The following SULF2 variants were observed in gnomAD, a reference collection of about 807,000 sequenced individuals.
SULF2 encodes the protein sulfatase 2, also known as extracellular sulfatase Sulf-2.
A neutral mutation model predicts 107.7 loss-of-function variants in SULF2; 52 were observed. The observed-to-expected ratio is 0.48, with a 90% CI of 0.39 to 0.61. The LOEUF is 0.61. SULF2 is among the 20% of genes least tolerant of loss of function. The probability of loss-of-function intolerance (pLI) is 0.00; values close to 1 mark genes in which losing one functional copy is unlikely to be tolerated. For missense variants in SULF2, 993 were observed against 1,177.3 expected (o/e 0.84, Z 2.29); for synonymous variants, 460 against 464.3 (o/e 0.99, Z 0.12).
rs774011241 is a variant in SULF2 at position 47,690,186 on chromosome 20, TG to T, written c.676del (p.His226ThrfsTer43). ...TTGTGGGGCTGAATCCTCAGGGCCG[TG>T]GGGGGCTGCATGGCTGATGACCATG... Reference protein sequence around the residue: ...VLMVISHAAPHGPEDSAPQYS... With the variant: ...VLMVISHAAPXGPEDSAPQYS... On this transcript the variant is annotated frameshift_variant, in exon 5 of 21. Transcript: ENST00000688720. LOFTEE classifies it high-confidence loss of function. The T allele has an allele frequency of 1.3e-6, 2 of 1,566,418 alleles. No individual in the cohort carries two copies. Among genetic ancestry groups the T allele is most frequent in the South Asian group, 1.2e-5 (1 of 85,088 alleles).
At chr20:47,728,899 G>A (rs1001732702) in intron 3 of SULF2, among the ~76,000 whole-genome samples, 1 of 152,218 alleles carries the variant, frequency 6.6e-6, no homozygotes, top group African/African-American at 2.4e-5. Flanking sequence ...ACCCGCCTCA[G>A]CCTCCCAAAG....
chr20:47,780,015 CT>C (rs74178766), intron 1 of SULF2, among the ~76,000 whole-genome samples: 7,026 of 120,312 alleles, frequency 0.058, 142 homozygotes, highest in Middle Eastern at 0.083. Context: ...CCCTAGTTGA[CT>C]TTTTTTTTTT....
chr20:47,697,463 G>T (rs1196509239), intron 4 of SULF2, among the ~76,000 whole-genome samples: 1 of 152,180 alleles, frequency 6.6e-6, no homozygotes, highest in Non-Finnish European at 1.5e-5. Flanking sequence ...CTTACTGCCT[G>T]ATCTAGGGCC....
chr20:47,780,630 T>C (rs1176866161), intron 1 of SULF2, among the ~76,000 whole-genome samples: 1 of 152,058 alleles, frequency 6.6e-6, no homozygotes, highest in African/African-American at 2.4e-5. Context: ...CTCAGCTCAC[T>C]GCAACCTCCG....
At chr20:47,726,688 C>T (rs190829424) in intron 3 of SULF2, among the ~76,000 whole-genome samples, 36 of 152,244 alleles carry the variant, frequency 2.4e-4, no homozygotes, top group East Asian at 1.9e-4. Flanking sequence ...CTAGTGGCAA[C>T]GGTACTGGGC....
At chr20:47,703,023 T>G (rs1375318773) in intron 3 of SULF2, among the ~76,000 whole-genome samples, 2 of 152,110 alleles carry the variant, frequency 1.3e-5, no homozygotes, top group Non-Finnish European at 2.9e-5. Flanking sequence ...TTCAAGCAAT[T>G]CTCCTGCCTC....
chr20:47,734,649 A>G (rs536510997), intron 3 of SULF2, among the ~76,000 whole-genome samples: 20 of 152,354 alleles, frequency 1.3e-4, no homozygotes, highest in African/African-American at 4.8e-4. Flanking sequence ...ATCAGACTAA[A>G]CAGGTGTTTT....
At chr20:47,699,341 G>C (rs1293986552) in intron 4 of SULF2, among the ~76,000 whole-genome samples, 1 of 151,836 alleles carries the variant, frequency 6.6e-6, no homozygotes, top group Non-Finnish European at 1.5e-5. Context: ...AACCAAATGT[G>C]ACTAGTCCAC....
At chr20:47,736,963 T>G in intron 2 of SULF2, 21 bp from the exon 3 acceptor site, 1 of 1,613,708 alleles carries the variant, frequency 6.2e-7, no homozygotes, top group East Asian at 2.2e-5. Flanking sequence ...AGGGTGGAAG[T>G]AAGGCGCAGG....
At chr20:47,734,513 C>G (rs538841352) in intron 3 of SULF2, among the ~76,000 whole-genome samples, 3 of 152,318 alleles carry the variant, frequency 2.0e-5, no homozygotes, top group South Asian at 4.1e-4. Flanking sequence ...TCTTTAAAAA[C>G]ATTTCCACTT....
intron 4 of SULF2, among the ~76,000 whole-genome samples, chr20:47,691,181 G>T (rs902855472): frequency 1.8e-4 from 27 of 152,274 alleles, no homozygotes; most frequent in Non-Finnish European, 3.5e-4. Flanking sequence ...AAGTCCCTGG[G>T]GTGCCTACAC....
At chr20:47,781,102 C>T (rs1316718337) in intron 1 of SULF2, among the ~76,000 whole-genome samples, 1 of 152,214 alleles carries the variant, frequency 6.6e-6, no homozygotes, top group African/African-American at 2.4e-5. Flanking sequence ...TGCCCCTGGC[C>T]CCCCGAAAGC....
At position 47,666,576 on chromosome 20, in the gene SULF2, C is replaced by T. The variant is rs2087281746; in HGVS notation, c.1577-88G>A. On this transcript the variant is annotated intron_variant, in intron 11 of 20. Coordinates refer to ENST00000688720, the MANE Select transcript of SULF2 (RefSeq NM_001387048.1). This position sits in a 1 kb window ranked among gnomAD's most constrained non-coding sequence, Gnocchi z 5.4. ...CAGTGGGTCCTTCATCAAGATAGGG[C>T]CGGGCTTCCAAGCATGAGGCTCAGC... 9.3e-7 allele frequency: 1 copy of T among 1,073,110 alleles called. No individual in the cohort carries two copies. The highest frequency in any genetic ancestry group is 1.4e-5 in the South Asian group (1 of 69,956). 66.5% of individuals were successfully genotyped at this position (1,073,110 alleles called of 1,614,324 possible).
At position 47,751,020 on chromosome 20, in the gene SULF2, TCTC is replaced by T. The variant is rs142358399; in HGVS notation, c.175+6166_175+6168del. 3.8e-3 allele frequency among the ~76,000 whole-genome samples: 572 copies of T among 152,316 alleles called. 8 individuals are homozygous for T. The highest frequency in any genetic ancestry group is 0.012 in the African/African-American group (517 of 41,560). ...TCCTGGCTTCCCCTCCTGGCTTTAT[TCTC>T]CTCCTCACTTTCTGCTCTTTTATGT... On this transcript the variant is annotated intron_variant, in intron 2 of 20. Transcript: ENST00000688720.
At chr20:47,742,926 G>GTTTT (rs1295578938) in intron 2 of SULF2, among the ~76,000 whole-genome samples, 1 of 65,052 alleles carries the variant, frequency 1.5e-5, no homozygotes, top group Non-Finnish European at 3.0e-5. Flanking sequence ...TTCAAAACAT[G>GTTTT]ATTTTTTTTT....
intron 2 of SULF2, among the ~76,000 whole-genome samples, chr20:47,753,098 C>CAAAAAAAAAAAAAAA (rs10578438): frequency 3.3e-5 from 3 of 90,686 alleles, no homozygotes; most frequent in African/African-American, 9.2e-5. Flanking sequence ...GAGACTCTCT[C>CAAAAAAAAAAAAAAA]AAAAAAAAAA....
At chr20:47,745,864 G>A (rs1292029134) in intron 2 of SULF2, among the ~76,000 whole-genome samples, 5 of 152,096 alleles carry the variant, frequency 3.3e-5, no homozygotes, top group South Asian at 2.1e-4. Flanking sequence ...CGTCTCACGC[G>A]GAGTTAAAAA....
intron 1 of SULF2, among the ~76,000 whole-genome samples, chr20:47,783,764 G>A (rs963442652): frequency 6.6e-6 from 1 of 151,948 alleles, no homozygotes; most frequent in East Asian, 1.9e-4. Context: ...AGGCCTTCAT[G>A]TACAAAGGTC....
intron 3 of SULF2, among the ~76,000 whole-genome samples, chr20:47,726,253 C>T (rs909527445): frequency 3.9e-5 from 6 of 152,164 alleles, no homozygotes; most frequent in South Asian, 2.1e-4. Flanking sequence ...TTGCCCAGGC[C>T]GAAGTACAGT....
Sources: gnomAD v4.1 joint callset for allele counts (sites outside exome capture counted in the v4.1 genomes callset) on GRCh38, gnomAD v4.1.1 for gene constraint, Gnocchi (gnomAD v3.1) non-coding constraint, MANE v1.5 for transcripts, NCBI Gene and HGNC (gene_info 2026-07-23, HGNC 2026-07-21) for gene names.